The following WDPCP variants were observed in gnomAD, a reference collection of about 807,000 sequenced individuals.
WDPCP encodes WD repeat-containing and planar cell polarity effector protein fritz homolog.
A neutral mutation model predicts 93.1 loss-of-function variants in WDPCP; 71 were observed. That is an observed-to-expected ratio of 0.76 (90% CI 0.63 to 0.93). The LOEUF (loss-of-function observed/expected upper bound fraction) is 0.93, where lower values mean the gene tolerates loss of function less well. WDPCP is among the 40% of genes least tolerant of loss of function. WDPCP has a pLI of 0.00. For synonymous variants in WDPCP, 315 were observed against 315.0 expected (o/e 1.00, Z 0.00); for missense variants, 844 against 887.4 (o/e 0.95, Z 0.62).
At chr2:63,802,946 C>A (rs898162333) in intron 2 of WDPCP, among the ~76,000 whole-genome samples, 1 of 152,102 alleles carries the variant, frequency 6.6e-6, no homozygotes, top group Non-Finnish European at 1.5e-5. Context: ...GGAGTGAACC[C>A]TTTTTACATT....
At chr2:63,535,759 C>G (rs934279468) in intron 1 of WDPCP, among the ~76,000 whole-genome samples, 5 of 152,168 alleles carry the variant, frequency 3.3e-5, no homozygotes, top group Admixed American at 3.3e-4. Context: ...CATAAAAGCC[C>G]TAGAAGAAAA....
intron 17 of WDPCP, among the ~76,000 whole-genome samples, chr2:63,149,605 G>A (rs1411934135): frequency 6.6e-6 from 1 of 152,210 alleles, no homozygotes; most frequent in Admixed American, 6.5e-5. Context: ...AATAAACTGA[G>A]TAGTGGATGA....
intron 2 of WDPCP, among the ~76,000 whole-genome samples, chr2:63,775,835 G>C (rs1305623402): frequency 3.9e-5 from 6 of 152,140 alleles, no homozygotes; most frequent in Non-Finnish European, 5.9e-5. Context: ...TACATACCCA[G>C]ATGCCCAGGC....
intron 13 of WDPCP, among the ~76,000 whole-genome samples, chr2:63,270,914 T>A (rs2951185): frequency 3.9e-5 from 6 of 152,034 alleles, no homozygotes; most frequent in Admixed American, 3.9e-4. Flanking sequence ...TGTAGCATGA[T>A]GTCACTTTGA....
chr2:63,784,295 G>C (rs1291598269), intron 2 of WDPCP, among the ~76,000 whole-genome samples: 1 of 152,210 alleles, frequency 6.6e-6, no homozygotes, highest in Non-Finnish European at 1.5e-5. Flanking sequence ...GGCATTCAAA[G>C]GAAGAGAGAA....
At chr2:63,625,906 C>A (rs1024915453) in intron 3 of WDPCP, among the ~76,000 whole-genome samples, 6 of 152,236 alleles carry the variant, frequency 3.9e-5, no homozygotes, top group Admixed American at 3.3e-4. Context: ...AATAACAAAG[C>A]TGGAGGCACC....
chr2:63,746,059 T>C lies in WDPCP; in HGVS notation n.308+67563A>G, dbSNP rs146772366. Among the ~76,000 whole-genome samples, 628 of 152,290 alleles carry C rather than the reference T, an allele frequency of 4.1e-3. 3 individuals carry two copies. The highest frequency in any genetic ancestry group is 0.014 in the African/African-American group (588 of 41,570). On this transcript the variant is annotated intron_variant and non_coding_transcript_variant, in intron 2 of 4. Transcript: ENST00000467687. ...GTTTCTTCTTTTGTGAAATGTGTTG[T>C]GGGAAGTCAGGGACCCCAAACAGAG...
intron 14 of WDPCP, among the ~76,000 whole-genome samples, chr2:63,181,141 A>G (rs1263407602): frequency 6.6e-6 from 1 of 152,024 alleles, no homozygotes; most frequent in East Asian, 1.9e-4. Flanking sequence ...GTTTTCTCCC[A>G]TTCTACACAT....
At chr2:63,510,822 A>C (rs2106085424) in intron 1 of WDPCP, among the ~76,000 whole-genome samples, 1 of 152,170 alleles carries the variant, frequency 6.6e-6, no homozygotes, top group African/African-American at 2.4e-5. Context: ...AAATACCAAA[A>C]AAAATTCACC....
At chr2:63,157,755 A>G (rs555735215) in intron 15 of WDPCP, among the ~76,000 whole-genome samples, 2 of 152,264 alleles carry the variant, frequency 1.3e-5, no homozygotes, top group African/African-American at 2.4e-5. Flanking sequence ...CCTGATATCA[A>G]TAATCTATGT....
intron 12 of WDPCP, among the ~76,000 whole-genome samples, chr2:63,346,175 A>G (rs1020860318): frequency 6.6e-6 from 1 of 152,172 alleles, no homozygotes; most frequent in Non-Finnish European, 1.5e-5. Context: ...TGGCTCTTAG[A>G]TGCCTGGAAA....
intron 2 of WDPCP, among the ~76,000 whole-genome samples, chr2:63,785,886 A>G (rs555470316): frequency 9.8e-5 from 15 of 152,318 alleles, no homozygotes; most frequent in African/African-American, 3.6e-4. Context: ...ATACATTTTT[A>G]CTATGAAAAA....
At chr2:63,793,870 T>TTG (rs35714297) in intron 2 of WDPCP, among the ~76,000 whole-genome samples, 8,168 of 145,276 alleles carry the variant, frequency 0.056, 288 homozygotes, top group African/African-American at 0.11. Context: ...AGTACTTACA[T>TTG]TGTGTGTGTG....
chr2:63,507,865 T>C (rs945751941), intron 1 of WDPCP, among the ~76,000 whole-genome samples: 2 of 151,858 alleles, frequency 1.3e-5, no homozygotes, highest in African/African-American at 2.4e-5. Flanking sequence ...TGAAATAAAG[T>C]GTGAAGACAA....
At chr2:63,460,006 A>G (rs1698898472) in intron 6 of WDPCP, among the ~76,000 whole-genome samples, 1 of 152,184 alleles carries the variant, frequency 6.6e-6, no homozygotes, top group Non-Finnish European at 1.5e-5. Flanking sequence ...AAAGAAATAT[A>G]TTTATATCAA....
intron 2 of WDPCP, among the ~76,000 whole-genome samples, chr2:63,691,679 T>C (rs1388954734): frequency 1.3e-5 from 2 of 152,006 alleles, no homozygotes; most frequent in Non-Finnish European, 2.9e-5. Context: ...TCAATAATAA[T>C]GGGTAACTGA....
chr2:63,588,150 G>A (rs1369791798), intron 1 of WDPCP, 47 bp downstream of exon 1: 22 of 1,547,670 alleles, frequency 1.4e-5, no homozygotes, highest in Non-Finnish European at 1.9e-5. Context: ...CCGCATTCCG[G>A]ATCCTAAGGT....
At chr2:63,456,038 A>G (rs540008282) in intron 6 of WDPCP, among the ~76,000 whole-genome samples, 6 of 152,344 alleles carry the variant, frequency 3.9e-5, no homozygotes, top group African/African-American at 1.2e-4. Context: ...GAGCATACAA[A>G]TACATGGAAA....
At chr2:63,393,905 A>G (rs1693493334) in intron 10 of WDPCP, among the ~76,000 whole-genome samples, 1 of 152,146 alleles carries the variant, frequency 6.6e-6, no homozygotes, top group African/African-American at 2.4e-5. Context: ...TCTTTACACC[A>G]TACAGAAAAA....
Sources: allele counts gnomAD v4.1 joint callset (sites outside exome capture counted in the v4.1 genomes callset), GRCh38; gene constraint gnomAD v4.1.1; transcripts MANE v1.5; gene names NCBI Gene and HGNC (gene_info 2026-07-23, HGNC 2026-07-21).